The following LTF variants were observed in gnomAD, a reference collection of about 807,000 sequenced individuals.
LTF encodes the protein epididymis luminal protein 110.
In LTF, 91 loss-of-function variants were observed where a neutral mutation model predicts 87.2. That is an observed-to-expected ratio of 1.04 (90% CI 0.88 to 1.24). The LOEUF is 1.24. LTF is among the 50% of genes most tolerant of loss of function. The pLI, the probability that LTF is intolerant of heterozygous loss-of-function variation, is 0.00. For synonymous variants in LTF, 378 were observed against 356.1 expected (o/e 1.06, Z -0.69); for missense variants, 901 against 904.3 (o/e 1.00, Z 0.05).
intron 2 of LTF, among the ~76,000 whole-genome samples, 168 bp downstream of exon 2, chr3:46,459,488 C>T (rs17078876): frequency 0.15 from 22,422 of 152,234 alleles, 1,774 homozygotes; most frequent in East Asian, 0.29. Context: ...TAAGCTCCTT[C>T]CTTTCTGCTC....
At chr3:46,445,156 G>T in intron 12 of LTF, 125 bp downstream of exon 12, 1 of 1,001,172 alleles carries the variant, frequency 1.0e-6, no homozygotes, top group Non-Finnish European at 1.4e-6. Flanking sequence ...ATTTCCTTAT[G>T]CTGGAAGAGG....
At chr3:46,446,320 C>G (rs1575310447) in intron 11 of LTF, 120 bp downstream of exon 11, 4 of 677,810 alleles carry the variant, frequency 5.9e-6, no homozygotes, top group Non-Finnish European at 7.6e-6. Context: ...ATTATTGCTC[C>G]TAGAAGCCCT....
At chr3:46,457,691 A>G (rs1056099475) in intron 2 of LTF, among the ~76,000 whole-genome samples, 15 of 152,226 alleles carry the variant, frequency 9.9e-5, no homozygotes, top group African/African-American at 1.9e-4. Context: ...ACATCTCACA[A>G]GTATTTTTTA....
Position 46,436,129 on chromosome 3 carries a change from G to A in LTF, c.*66C>T. ...GGAGGCCAAGGCCCCAACACACCTG[G>A]GGAGAAGAGCTGGGGGCAGTGAATG... On this transcript the variant is annotated 3_prime_UTR_variant, in exon 17 of 17. Transcript: ENST00000231751. The A allele has an allele frequency of 6.6e-7, 1 of 1,523,896 alleles. No individual in the cohort carries two copies. The highest frequency in any genetic ancestry group is 1.8e-4 in the Middle Eastern group (1 of 5,708). 94.4% of individuals were successfully genotyped at this position (1,523,896 alleles called of 1,614,324 possible). A position where few individuals can be genotyped will look rare whatever the true frequency, so the allele number is the denominator to read the frequency against.
chr3:46,462,777 G>A (rs1184986435), intron 1 of LTF, among the ~76,000 whole-genome samples: 3 of 152,070 alleles, frequency 2.0e-5, no homozygotes, highest in Non-Finnish European at 4.4e-5. Flanking sequence ...TGGAGAGAGG[G>A]GACAGCACTG....
chr3:46,449,814 C>T, intron 8 of LTF, 40 bp downstream of exon 8: 1 of 1,610,296 alleles, frequency 6.2e-7, no homozygotes. Context: ...AGTAGAAGAC[C>T]ACACCAGGCG....
chr3:46,446,731 A>T (rs1435249886), intron 10 of LTF, among the ~76,000 whole-genome samples: 1 of 152,260 alleles, frequency 6.6e-6, no homozygotes, highest in Non-Finnish European at 1.5e-5. Flanking sequence ...CAAATGATGA[A>T]TAATCACAGT....
chr3:46,447,083 T>A (rs1392859965), intron 10 of LTF, among the ~76,000 whole-genome samples: 2 of 152,204 alleles, frequency 1.3e-5, no homozygotes, highest in African/African-American at 4.8e-5. Flanking sequence ...TTCACTGAGA[T>A]CTTCTGGAAA....
intron 15 of LTF, among the ~76,000 whole-genome samples, 165 bp from the exon 16 acceptor site, chr3:46,438,294 C>A (rs1702435489): frequency 1.3e-5 from 2 of 152,160 alleles, no homozygotes; most frequent in Non-Finnish European, 1.5e-5. Context: ...GTCCCCCACC[C>A]CACACTCCTG....
rs760739031 is a variant in LTF, at chr3:46,456,417, G to C, written c.208-19C>G. On this transcript the variant is annotated intron_variant, in intron 2 of 16. Coordinates refer to ENST00000231751, the MANE Select transcript of LTF (RefSeq NM_002343.6). The stretch of plus-strand genomic sequence containing the variant: ...TGTTTTCCTGAAAGTAAAGAGGCCA[G>C]ACTGGCTTCAGCAGAAAACTCACCC... 6.2e-7 allele frequency: 1 copy of C among 1,603,690 alleles called. No individual in the cohort carries two copies. Among genetic ancestry groups the C allele is most frequent in the South Asian group, 1.1e-5 (1 of 90,828 alleles).
At chr3:46,478,281 C>T (rs1009930221) in intron 1 of LTF, among the ~76,000 whole-genome samples, 7 of 152,130 alleles carry the variant, frequency 4.6e-5, no homozygotes, top group East Asian at 1.9e-4. Context: ...AACCCAGCTG[C>T]GTCCCGACTG....
At chr3:46,470,559 C>G (rs1412665163) in intron 1 of LTF, 1 of 152,292 alleles carries the variant, frequency 6.6e-6, no homozygotes, top group African/African-American at 2.4e-5. Flanking sequence ...CTCCATTTCT[C>G]TGGGTGAGGC....
chr3:46,455,410 G>A lies in LTF; in HGVS notation c.532C>T (p.Pro178Ser), dbSNP rs1575317703. ...VARFFSASCV[P>S]GADKGQFPNL... ...GGGAACTGTCCTTTATCTGCACCGG[G>A]AACACAGCTGGCTGAGAAGAACCTG... The change falls in exon 5 of 17, where the codon CCC becomes TCC. Residue 178 changes from proline (P) to serine (S), a missense_variant. Coordinates refer to ENST00000231751, the MANE Select transcript of LTF (RefSeq NM_002343.6). The A allele has an allele frequency of 6.2e-7, 1 of 1,614,230 alleles. No individual in the cohort carries two copies. Among genetic ancestry groups the A allele is most frequent in the East Asian group, 2.2e-5 (1 of 44,888 alleles).
rs138890561 is a variant in LTF, at chr3:46,449,939, A to G, written c.972T>C (p.Ile324=). ...QKDLLFKDSA[I]GFSRVPPRID... ...TCCTCGGGGGCACCCTCGAAAACCCAATGGCAGAGTCCTTGAACAGCAGAT... is the reference window on the plus strand; with the variant it reads ...TCCTCGGGGGCACCCTCGAAAACCCGATGGCAGAGTCCTTGAACAGCAGAT... The change falls in exon 8 of 17, where the codon ATT becomes ATC. Residue 324 remains isoleucine, a synonymous_variant. Coordinates refer to ENST00000231751, the MANE Select transcript of LTF (RefSeq NM_002343.6). 1 of 1,614,104 alleles carries G rather than the reference A, an allele frequency of 6.2e-7. No homozygotes were observed. Among genetic ancestry groups the G allele is most frequent in the Non-Finnish European group, 8.5e-7 (1 of 1,180,004 alleles).
upstream of LTF, chr3:46,468,287 A>G: frequency 2.2e-6 from 1 of 456,762 alleles, no homozygotes. Flanking sequence ...GACATCTCCA[A>G]CGTGCCAGGA....
At chr3:46,457,496 G>C (rs1702965809) in intron 2 of LTF, among the ~76,000 whole-genome samples, 1 of 152,212 alleles carries the variant, frequency 6.6e-6, no homozygotes, top group African/African-American at 2.4e-5. Flanking sequence ...GTTTCCCCCT[G>C]TGACCCGGGC....
chr3:46,481,918 T>C (rs1703435628), intron 1 of LTF, among the ~76,000 whole-genome samples: 1 of 152,182 alleles, frequency 6.6e-6, no homozygotes, highest in Admixed American at 6.5e-5. Flanking sequence ...ACAAGAATAT[T>C]GGAAAAATAT....
At position 46,439,352 on chromosome 3, in the gene LTF, C is replaced by A. The variant is rs1010790612; in HGVS notation, c.1852G>T (p.Val618Leu). 1.9e-6 allele frequency: 3 copies of A among 1,614,228 alleles called. No individual in the cohort carries two copies. The highest frequency in any genetic ancestry group is 2.2e-5 in the South Asian group (2 of 91,088). The change falls in exon 15 of 17, where the codon GTG (valine) becomes TTG (leucine). Residue 618 changes from valine to leucine, a missense_variant. Transcript: ENST00000231751. ...CHLAMAPNHA[V>L]VSRMDKVERL... is the part of the protein sequence containing the mutation. ...TCCACCTTATCCATCCGAGACACCA[C>A]GGCATGATTCGGGGCCATGGCAAGA... is the stretch of plus-strand genomic sequence containing the variant.
chr3:46,466,931 G>A (rs999538435), upstream of LTF, among the ~76,000 whole-genome samples: 5 of 152,174 alleles, frequency 3.3e-5, no homozygotes, highest in Admixed American at 2.6e-4. Context: ...GAGGTCAGAG[G>A]GCCCTGGGCC....
Sources: gnomAD v4.1 joint callset for allele counts (sites outside exome capture counted in the v4.1 genomes callset) on GRCh38, gnomAD v4.1.1 for gene constraint, MANE v1.5 for transcripts, NCBI Gene and HGNC (gene_info 2026-07-23, HGNC 2026-07-21) for gene names.